The following DLG1 variants were observed in gnomAD, a reference collection of about 807,000 sequenced individuals.
DLG1 encodes discs large MAGUK scaffold protein 1.
Under a neutral mutation model 123.4 loss-of-function variants are expected in DLG1, and 42 were observed. That is an observed-to-expected ratio of 0.34 (90% confidence interval 0.27 to 0.44). The LOEUF is 0.44. Ranked by LOEUF, DLG1 falls within the 20% of genes least tolerant of loss-of-function variation. DLG1 has a pLI of 1.00. For missense variants in DLG1, 942 were observed against 1,082.6 expected (o/e 0.87, Z 1.82); for synonymous variants, 317 against 356.2 (o/e 0.89, Z 1.24).
intron 4 of DLG1, among the ~76,000 whole-genome samples, chr3:197,214,446 G>A (rs1364009872): frequency 6.6e-6 from 1 of 151,974 alleles, no homozygotes; most frequent in African/African-American, 2.4e-5. Flanking sequence ...GGTGGTGGGC[G>A]CCTGTAGTCC....
chr3:197,170,151 C>T (rs1803426123), intron 5 of DLG1, among the ~76,000 whole-genome samples: 1 of 152,154 alleles, frequency 6.6e-6, no homozygotes, highest in Non-Finnish European at 1.5e-5. Flanking sequence ...TTTCTTTATC[C>T]AGTCTACCAT....
At chr3:197,059,542 T>A (rs1298443824) in intron 23 of DLG1, among the ~76,000 whole-genome samples, 1 of 151,136 alleles carries the variant, frequency 6.6e-6, no homozygotes, top group East Asian at 1.9e-4. Context: ...TTAGATTCTA[T>A]TTTTTTGTCC....
In DLG1 at chr3:197,226,668, T is replaced by TA. The variant is rs543517904; in HGVS notation, c.319-32080dup. 1.4e-4 allele frequency among the ~76,000 whole-genome samples: 21 copies of TA among 152,244 alleles called. No individual in the cohort carries two copies. In the East Asian group the frequency reaches 3.7e-3, roughly 27 times the overall value. On this transcript the variant is annotated intron_variant, in intron 4 of 24. Transcript: ENST00000667157. Reference sequence around the variant, plus strand: ...ATAATTACAAATTAAACTTGGACAGTAAAAAAAGTTCAGTATTTTCTAATA... The same window carrying TA: ...ATAATTACAAATTAAACTTGGACAGTAAAAAAAAGTTCAGTATTTTCTAATA...
intron 4 of DLG1, among the ~76,000 whole-genome samples, chr3:197,209,668 A>G (rs1363911555): frequency 2.0e-5 from 3 of 146,788 alleles, no homozygotes; most frequent in African/African-American, 4.9e-5. Flanking sequence ...CAACCAATCC[A>G]TTCTCTAACC....
At chr3:197,142,219 C>T (rs1301948663) in intron 7 of DLG1, among the ~76,000 whole-genome samples, 2 of 151,958 alleles carry the variant, frequency 1.3e-5, no homozygotes, top group Non-Finnish European at 2.9e-5. Flanking sequence ...TGCATATAAA[C>T]AATATAAACA....
At chr3:197,081,380 T>C (rs1004406159) in intron 16 of DLG1, among the ~76,000 whole-genome samples, 7 of 152,202 alleles carry the variant, frequency 4.6e-5, no homozygotes, top group African/African-American at 1.4e-4. Flanking sequence ...AGTTACAAAA[T>C]TATATGAAAG....
chr3:197,298,595 C>T lies in DLG1; in HGVS notation c.-91G>A, dbSNP rs1032898072. 4 of 398,438 alleles carry T rather than the reference C, an allele frequency of 1.0e-5. No individual in the cohort carries two copies. The Admixed American group carries it at 1.3e-4, about 13-fold the overall frequency. The allele number at this position is 398,438 out of a possible 1,614,324, so 24.7% of individuals were successfully genotyped here. A position where few individuals can be genotyped will look rare whatever the true frequency, so the allele number is the denominator to read the frequency against. On this transcript the variant is annotated 5_prime_UTR_variant, in exon 1 of 25. Transcript: ENST00000667157. ...TTCCAACTCCGCGGCAGAGACAGCGCCTGGCGACCCCGGGGGTAGATCCCC... is the reference window on the plus strand; with the variant it reads ...TTCCAACTCCGCGGCAGAGACAGCGTCTGGCGACCCCGGGGGTAGATCCCC...
chr3:197,246,891 G>C (rs1267681182), intron 4 of DLG1, among the ~76,000 whole-genome samples: 3 of 152,114 alleles, frequency 2.0e-5, no homozygotes, highest in Non-Finnish European at 2.9e-5. Flanking sequence ...GAATGTTTTG[G>C]ATGGATGTTC....
intron 4 of DLG1, among the ~76,000 whole-genome samples, chr3:197,204,043 C>T (rs766573004): frequency 6.6e-5 from 10 of 152,296 alleles, no homozygotes; most frequent in Non-Finnish European, 1.0e-4. Context: ...CAAAGAACAC[C>T]TTGCTCACAA....
At chr3:197,228,326 A>T (rs774755858) in intron 4 of DLG1, among the ~76,000 whole-genome samples, 1 of 152,202 alleles carries the variant, frequency 6.6e-6, no homozygotes, top group Non-Finnish European at 1.5e-5. Context: ...CTATATAAGC[A>T]AGCACATTAT....
At chr3:197,082,273 G>A (rs978228893) in intron 16 of DLG1, among the ~76,000 whole-genome samples, 2 of 152,028 alleles carry the variant, frequency 1.3e-5, no homozygotes, top group African/African-American at 2.4e-5. Flanking sequence ...GGGAGGCTGA[G>A]GCAGGAGAAT....
intron 4 of DLG1, among the ~76,000 whole-genome samples, chr3:197,240,460 G>T (rs1748257427): frequency 1.3e-5 from 2 of 152,130 alleles, no homozygotes; most frequent in South Asian, 4.1e-4. Flanking sequence ...GCCAGACAGA[G>T]AAGGCTGAAT....
chr3:197,091,036 G>A lies in DLG1; in HGVS notation c.1547-10C>T. 6.6e-7 allele frequency: 1 copy of A among 1,521,168 alleles called. No individual in the cohort carries two copies. Among genetic ancestry groups the A allele is most frequent in the Non-Finnish European group, 9.1e-7 (1 of 1,099,534 alleles). 94.2% of individuals were successfully genotyped at this position (1,521,168 alleles called of 1,614,324 possible). On this transcript the variant is annotated splice_polypyrimidine_tract_variant and intron_variant, in intron 14 of 24. Coordinates refer to ENST00000667157, the MANE Select transcript of DLG1 (RefSeq NM_001366207.1). Reference sequence around the variant, plus strand: ...TCAAAACGACTGTATTCTGATGGAAGAAAAAGAGAAATAAATTGATATATT... The same window carrying A: ...TCAAAACGACTGTATTCTGATGGAAAAAAAAGAGAAATAAATTGATATATT...
At chr3:197,185,436 T>C (rs1715332541) in intron 5 of DLG1, among the ~76,000 whole-genome samples, 1 of 152,218 alleles carries the variant, frequency 6.6e-6, no homozygotes, top group Non-Finnish European at 1.5e-5. Context: ...ACAGAGATTA[T>C]ACCAGAAAGT....
At position 197,149,240 on chromosome 3, in the gene DLG1, G is replaced by C. The variant is rs193028546; in HGVS notation, c.537+503C>G. On this transcript the variant is annotated intron_variant, in intron 6 of 24. Transcript: ENST00000667157. ...GCCCTACACCCACCACCTGGCAACT[G>C]CTAATCTACTTTCAGTAACTATGGA... 2.5e-4 allele frequency among the ~76,000 whole-genome samples: 38 copies of C among 152,132 alleles called. No homozygotes were observed. In the East Asian group the frequency reaches 6.6e-3, roughly 26 times the overall value.
chr3:197,084,461 G>A (rs1403572835), intron 16 of DLG1, among the ~76,000 whole-genome samples: 11 of 151,486 alleles, frequency 7.3e-5, no homozygotes, highest in Non-Finnish European at 2.9e-5. Flanking sequence ...ACAGGCGCCC[G>A]CCACCACACC....
At chr3:197,284,928 C>G (rs1363854566) in intron 3 of DLG1, among the ~76,000 whole-genome samples, 4 of 151,394 alleles carry the variant, frequency 2.6e-5, no homozygotes, top group African/African-American at 9.7e-5. Flanking sequence ...TAAACAAGAC[C>G]ACACAAAGCT....
chr3:197,166,364 AG>A lies in DLG1; in HGVS notation c.484-16569del, dbSNP rs372659676. 5.9e-5 allele frequency among the ~76,000 whole-genome samples: 9 copies of A among 152,328 alleles called. No homozygotes were observed. In the East Asian group the frequency reaches 1.7e-3, roughly 29 times the overall value. ...AGAAAAGGCAGTTATAAATATGAAAAGATAGAAAATTAGCATGAGACCTATG... is the reference window on the plus strand; with the variant it reads ...AGAAAAGGCAGTTATAAATATGAAAAATAGAAAATTAGCATGAGACCTATG... On this transcript the variant is annotated intron_variant, in intron 5 of 24. Transcript: ENST00000667157.
intron 15 of DLG1, among the ~76,000 whole-genome samples, chr3:197,089,004 C>T (rs570163221): frequency 3.3e-5 from 5 of 152,238 alleles, no homozygotes; most frequent in African/African-American, 1.2e-4. Flanking sequence ...TACACAGAAA[C>T]GTTCTCATCT....
Sources: allele counts gnomAD v4.1 joint callset (sites outside exome capture counted in the v4.1 genomes callset), GRCh38; gene constraint gnomAD v4.1.1; transcripts MANE v1.5; gene names NCBI Gene and HGNC (gene_info 2026-07-23, HGNC 2026-07-21).